GLT1D1: variants seen among roughly 807,000 people sequenced by gnomAD.
GLT1D1 encodes the protein glycosyltransferase 1 domain containing 1.
GLT1D1 carries 21 observed loss-of-function variants against 28.7 expected under a neutral mutation model. The observed-to-expected ratio is 0.73, with a 90% CI of 0.52 to 1.05. The LOEUF (loss-of-function observed/expected upper bound fraction) is 1.05. Ranked by LOEUF, GLT1D1 falls within the 50% of genes least tolerant of loss-of-function variation. The probability of loss-of-function intolerance (pLI) is 0.00; values close to 1 mark genes in which losing one functional copy is unlikely to be tolerated. For missense variants in GLT1D1, 343 were observed against 330.6 expected, an observed-to-expected ratio of 1.04 and a Z score of -0.29; for synonymous variants, 147 against 124.8, an observed-to-expected ratio of 1.18 and a Z score of -1.19.
At chr12:128,922,299 A>AATTTTTGAGAGGGT (rs1258513609) in intron 4 of GLT1D1, among the ~76,000 whole-genome samples, 2 of 152,050 alleles carry the variant, frequency 1.3e-5, no homozygotes, top group Admixed American at 6.6e-5. Flanking sequence ...CTTTGTAATT[A>AATTTTTGAGAGGGT]GTAAGTAATT....
At position 128,983,291 on chromosome 12, in the gene GLT1D1, T is replaced by TGCC; in HGVS notation, c.*202_*203insCCG. 9.0e-6 allele frequency: 5 copies of TGCC among 557,200 alleles called. No homozygotes were observed. Among genetic ancestry groups the TGCC allele is most frequent in the Non-Finnish European group, 1.6e-5 (5 of 312,670 alleles). 34.5% of individuals were successfully genotyped at this position (557,200 alleles called of 1,614,324 possible). A position where few individuals can be genotyped will look rare whatever the true frequency, so the allele number is the denominator to read the frequency against. ...GTGCGTTCAGATGCTGTCCCAGGCG[T>TGCC]GTTCACCAGCCAGTCCTGATGGAGG... is the stretch of plus-strand genomic sequence containing the variant. On this transcript the variant is annotated 3_prime_UTR_variant, in exon 8 of 8. Coordinates refer to ENST00000281703, the MANE Select transcript of GLT1D1 (RefSeq NM_144669.3). The surrounding 1 kb of genome is among the most constrained non-coding windows in gnomAD (Gnocchi z 4.7).
chr12:128,970,320 C>T (rs1050428537), intron 7 of GLT1D1, among the ~76,000 whole-genome samples: 2 of 152,228 alleles, frequency 1.3e-5, no homozygotes, highest in African/African-American at 4.8e-5. Context: ...GCCGCGCCCT[C>T]TCCCCTGAGC....
intron 3 of GLT1D1, among the ~76,000 whole-genome samples, chr12:128,891,081 C>G (rs937591883): frequency 2.6e-4 from 38 of 146,950 alleles, no homozygotes; most frequent in African/African-American, 9.0e-4. Context: ...GCACTCTAGC[C>G]TGGGTGACAG....
chr12:128,893,224 G>A (rs757653192), intron 3 of GLT1D1, among the ~76,000 whole-genome samples: 16 of 152,268 alleles, frequency 1.1e-4, no homozygotes, highest in Admixed American at 3.9e-4. Context: ...CAGCCTGGGT[G>A]AAAGAGGGAG....
At chr12:128,908,326 C>CTTTCTTTCTTTCTTTCTTTCT in intron 4 of GLT1D1, among the ~76,000 whole-genome samples, 1 of 140,988 alleles carries the variant, frequency 7.1e-6, no homozygotes, top group African/African-American at 2.8e-5. Context: ...TACTTTCCTT[C>CTTTCTTTCTTTCTTTCTTTCT]TTTCTTTCTT....
At chr12:128,919,844 G>C (rs1426117714) in intron 4 of GLT1D1, among the ~76,000 whole-genome samples, 1 of 151,928 alleles carries the variant, frequency 6.6e-6, no homozygotes, top group Admixed American at 6.6e-5. Flanking sequence ...TTCCTTTCAG[G>C]CTATCAAACC....
At chr12:128,874,332 C>A (rs1160953170) in intron 1 of GLT1D1, among the ~76,000 whole-genome samples, 1 of 151,262 alleles carries the variant, frequency 6.6e-6, no homozygotes, top group Non-Finnish European at 1.5e-5. Flanking sequence ...CAGGCATGCA[C>A]CACCACACCT....
intron 4 of GLT1D1, among the ~76,000 whole-genome samples, chr12:128,907,736 T>C (rs1049360051): frequency 1.3e-5 from 2 of 152,190 alleles, no homozygotes; most frequent in Non-Finnish European, 2.9e-5. Context: ...TCCCTGGGAA[T>C]TGAGAAGTTT....
In GLT1D1 at chr12:128,879,426, C is replaced by CTTTT. The variant is rs1229771170; in HGVS notation, c.217+3367_217+3368insTTTT. ...TCTTTCTTTCTTTCTTTCTTTCTTT[C>CTTTT]TTTCTTTCTTTCTTTCTTTCTTTCT... is the stretch of plus-strand genomic sequence containing the variant. On this transcript the variant is annotated intron_variant, in intron 2 of 7. Coordinates refer to ENST00000281703, the MANE Select transcript of GLT1D1 (RefSeq NM_144669.3). 1.7e-4 allele frequency among the ~76,000 whole-genome samples: 17 copies of CTTTT among 100,670 alleles called. 1 individual carries two copies. 66.0% of individuals were successfully genotyped at this position (100,670 alleles called of 152,430 possible).
rs536114648 is a variant in GLT1D1, at chr12:128,961,441, G to A, written c.639+3798G>A. Among the ~76,000 whole-genome samples the A allele has an allele frequency of 2.9e-3, 447 of 152,324 alleles. 6 individuals are homozygous for A. Among genetic ancestry groups the A allele is most frequent in the Admixed American group, 6.8e-3 (104 of 15,294 alleles). On this transcript the variant is annotated intron_variant, in intron 7 of 7. Transcript: ENST00000281703. ...GTCCATCAACAGATGAATGCATAAGGAAGATGTGGTACATATGGCCAGTGG... is the reference window on the plus strand; with the variant it reads ...GTCCATCAACAGATGAATGCATAAGAAAGATGTGGTACATATGGCCAGTGG...
chr12:128,903,786 A>G (rs767397621), intron 4 of GLT1D1, among the ~76,000 whole-genome samples: 1 of 151,794 alleles, frequency 6.6e-6, no homozygotes, highest in Non-Finnish European at 1.5e-5. Flanking sequence ...GGTGAAGTAC[A>G]GTGGCGCAAT....
intron 4 of GLT1D1, among the ~76,000 whole-genome samples, chr12:128,936,959 T>C (rs1471488191): frequency 6.6e-6 from 1 of 152,186 alleles, no homozygotes; most frequent in Non-Finnish European, 1.5e-5. Flanking sequence ...GGAAGGTAAA[T>C]CCAGAAAAAT....
At chr12:128,856,887 A>C (rs574701789) in intron 1 of GLT1D1, among the ~76,000 whole-genome samples, 1 of 118,436 alleles carries the variant, frequency 8.4e-6, no homozygotes, top group East Asian at 2.9e-4. Context: ...GAATCGCTTG[A>C]CCTGCAAGGC....
intron 3 of GLT1D1, among the ~76,000 whole-genome samples, chr12:128,891,693 G>A (rs1024801677): frequency 2.6e-5 from 4 of 152,112 alleles, no homozygotes; most frequent in Non-Finnish European, 5.9e-5. Context: ...TAATGTAGGT[G>A]TCAGTCTCGC....
chr12:128,953,005 C>T (rs1037714562), intron 6 of GLT1D1, among the ~76,000 whole-genome samples: 2 of 152,104 alleles, frequency 1.3e-5, no homozygotes, highest in African/African-American at 4.8e-5. Context: ...TGGTCTTGAA[C>T]TCCTGGCCTC....
chr12:128,879,580 A>C (rs1458199639), intron 2 of GLT1D1, among the ~76,000 whole-genome samples: 1 of 151,780 alleles, frequency 6.6e-6, no homozygotes, highest in African/African-American at 2.4e-5. Flanking sequence ...CTCAGCCTCC[A>C]GAATAGCTGG....
At chr12:128,967,344 C>T (rs1878555023) in intron 7 of GLT1D1, among the ~76,000 whole-genome samples, 1 of 152,212 alleles carries the variant, frequency 6.6e-6, no homozygotes, top group African/African-American at 2.4e-5. Context: ...AAAACATCAG[C>T]CTCCAAACTT....
chr12:128,963,846 G>A (rs1347945315), intron 7 of GLT1D1, among the ~76,000 whole-genome samples: 3 of 152,214 alleles, frequency 2.0e-5, no homozygotes, highest in Non-Finnish European at 2.9e-5. Flanking sequence ...TGTGGGTGGT[G>A]CGCAGATGGC....
chr12:128,916,650 T>C (rs1429622954), intron 4 of GLT1D1, among the ~76,000 whole-genome samples: 2 of 152,248 alleles, frequency 1.3e-5, no homozygotes, highest in Admixed American at 6.5e-5. Flanking sequence ...TGGCCATTCA[T>C]GTATCTTGTT....
Sources: allele counts gnomAD v4.1 joint callset (sites outside exome capture counted in the v4.1 genomes callset), GRCh38; gene constraint gnomAD v4.1.1; non-coding constraint Gnocchi (gnomAD v3.1); transcripts MANE v1.5; gene names NCBI Gene and HGNC (gene_info 2026-07-23, HGNC 2026-07-21).